The following BCL9 variants were observed in gnomAD, a reference collection of about 807,000 sequenced individuals.
BCL9 encodes the protein BCL9 transcription coactivator.
In BCL9, 25 loss-of-function variants were observed where a neutral mutation model predicts 88.5. The ratio of observed to expected loss-of-function variants is 0.28; its 90% CI spans 0.21 to 0.39. BCL9 has a LOEUF of 0.39. BCL9 is among the 10% of genes least tolerant of loss of function. The pLI, the probability that BCL9 is intolerant of heterozygous loss-of-function variation, is 1.00. For missense variants in BCL9, 1,817 were observed against 1,877.8 expected (o/e 0.97, Z 0.60); for synonymous variants, 711 against 673.3 (o/e 1.06, Z -0.87).
At chr1:147,567,146 A>G (rs1655641895) in intron 1 of BCL9, among the ~76,000 whole-genome samples, 1 of 152,202 alleles carries the variant, frequency 6.6e-6, no homozygotes, top group African/African-American at 2.4e-5. Flanking sequence ...ATTGTTTTCT[A>G]AGAAAAGCAA....
chr1:147,542,409 G>C (rs1239924490), intron 1 of BCL9, among the ~76,000 whole-genome samples: 2 of 152,216 alleles, frequency 1.3e-5, no homozygotes, highest in African/African-American at 4.8e-5. Context: ...AATCAAGGTT[G>C]CTGATCAGGG....
chr1:147,591,023 A>G (rs782675513), intron 1 of BCL9, among the ~76,000 whole-genome samples: 15 of 152,216 alleles, frequency 9.9e-5, no homozygotes, highest in Admixed American at 5.2e-4. Flanking sequence ...GCAGGATAGC[A>G]GCAAGAATAC....
chr1:147,610,227 G>A (rs12122799), intron 3 of BCL9, among the ~76,000 whole-genome samples: 38,152 of 150,124 alleles, frequency 0.25, 5,846 homozygotes, highest in African/African-American at 0.42. Context: ...CCTTAAATAT[G>A]ATCAAGACCA....
chr1:147,575,286 C>T (rs1248770486), intron 1 of BCL9, among the ~76,000 whole-genome samples: 1 of 152,162 alleles, frequency 6.6e-6, no homozygotes, highest in Non-Finnish European at 1.5e-5. Flanking sequence ...GATCCCTAGA[C>T]CATGTTGGTT....
At chr1:147,552,980 T>TC (rs1368541737) in intron 1 of BCL9, among the ~76,000 whole-genome samples, 5 of 151,816 alleles carry the variant, frequency 3.3e-5, no homozygotes, top group Non-Finnish European at 7.4e-5. Flanking sequence ...TTCCAATTTT[T>TC]TTTTTTTTAC....
At chr1:147,570,330 T>A (rs956427026) in intron 1 of BCL9, among the ~76,000 whole-genome samples, 1 of 152,182 alleles carries the variant, frequency 6.6e-6, no homozygotes, top group Admixed American at 6.5e-5. Flanking sequence ...AGAAGCCATG[T>A]CAGGAAGAGA....
intron 3 of BCL9, among the ~76,000 whole-genome samples, chr1:147,610,467 AC>A (rs1446273559): frequency 6.6e-6 from 1 of 152,182 alleles, no homozygotes; most frequent in African/African-American, 2.4e-5. Context: ...TAGTGCTACA[AC>A]CTAGGATATA....
chr1:147,587,756 CTGTGTG>C (rs3045400), intron 1 of BCL9, among the ~76,000 whole-genome samples: 18,810 of 141,748 alleles, frequency 0.13, 2,288 homozygotes, highest in African/African-American at 0.3. Flanking sequence ...GTAGTGAGGC[CTGTGTG>C]TGTGTGTGTG....
chr1:147,606,128 T>C (rs1657691463), intron 2 of BCL9, among the ~76,000 whole-genome samples: 1 of 152,246 alleles, frequency 6.6e-6, no homozygotes, highest in African/African-American at 2.4e-5. Flanking sequence ...GTCATAATTC[T>C]AGTTTACAAG....
intron 1 of BCL9, among the ~76,000 whole-genome samples, chr1:147,604,457 T>C (rs1322549862): frequency 1.3e-5 from 2 of 152,250 alleles, no homozygotes; most frequent in African/African-American, 4.8e-5. Flanking sequence ...ATGACTGTTT[T>C]TGATGGTGGA....
intron 1 of BCL9, among the ~76,000 whole-genome samples, chr1:147,603,129 T>G (rs1456562828): frequency 6.6e-6 from 1 of 152,258 alleles, no homozygotes; most frequent in Non-Finnish European, 1.5e-5. Context: ...ACAGTCTTAC[T>G]AACAGACCAA....
In BCL9 at chr1:147,619,361, A is replaced by G. The variant is rs1553204497; in HGVS notation, c.1206A>G (p.Pro402=). 6.2e-7 allele frequency: 1 copy of G among 1,614,078 alleles called. No individual in the cohort carries two copies. Among genetic ancestry groups the G allele is most frequent in the South Asian group, 1.1e-5 (1 of 91,084 alleles). Residue 402 remains proline, a synonymous_variant, in exon 8 of 10, where the codon CCA becomes CCG. Coordinates refer to ENST00000234739, the MANE Select transcript of BCL9 (RefSeq NM_004326.4). The surrounding 1 kb of genome is among the most constrained non-coding windows in gnomAD (Gnocchi z 4.1). ...TATTAGATGGGCCTCAGAAAAAACC[A>G]GAAGGGCCAATACAGGCCATGATGG... The part of the protein sequence containing the change: ...PGVLDGPQKK[P]EGPIQAMMAQ...
chr1:147,571,738 G>T (rs1422239814), intron 1 of BCL9, among the ~76,000 whole-genome samples: 21 of 152,142 alleles, frequency 1.4e-4, no homozygotes, highest in Non-Finnish European at 1.3e-4. Context: ...AAGAAAAGCT[G>T]GACCTGCTGA....
At chr1:147,602,293 G>A (rs1027578561) in intron 1 of BCL9, among the ~76,000 whole-genome samples, 1 of 148,836 alleles carries the variant, frequency 6.7e-6, no homozygotes, top group Admixed American at 6.7e-5. Flanking sequence ...TGCAACCTCC[G>A]CCTCCCCATC....
At chr1:147,585,597 T>C (rs1553199121) in intron 1 of BCL9, among the ~76,000 whole-genome samples, 1 of 152,212 alleles carries the variant, frequency 6.6e-6, no homozygotes, top group Non-Finnish European at 1.5e-5. Flanking sequence ...CGAGTTCAGA[T>C]TTAATTACCT....
rs1658529407 is a variant in BCL9 at position 147,620,060 on chromosome 1, G to A, written c.1905G>A (p.Gln635=). 1.2e-6 allele frequency: 2 copies of A among 1,614,192 alleles called. No individual in the cohort carries two copies. Among genetic ancestry groups the A allele is most frequent in the Non-Finnish European group, 1.7e-6 (2 of 1,180,048 alleles). The change falls in exon 8 of 10, where the codon CAG becomes CAA. Residue 635 remains glutamine, a synonymous_variant. Transcript: ENST00000234739. ...TGTCTGAAGAGATGTTTCAGCAGCA[G>A]CTGGCAGAGAAACAGCTGGGTCTCC... is the stretch of plus-strand genomic sequence containing the variant. ...QGLSEEMFQQ[Q]LAEKQLGLPP... is the part of the protein sequence containing the mutation.
chr1:147,600,225 G>A (rs1657306284), intron 1 of BCL9: 2 of 161,952 alleles, frequency 1.2e-5, no homozygotes, highest in Admixed American at 6.6e-5. Context: ...GGGGGGAGAC[G>A]CTGCGCCGCC....
At chr1:147,566,764 A>G in intron 1 of BCL9, among the ~76,000 whole-genome samples, 1 of 614 alleles carries the variant, frequency 1.6e-3, no homozygotes, top group Non-Finnish European at 5.3e-3. Flanking sequence ...CTCAAAAAAA[A>G]AGAAAAAAAA....
At chr1:147,551,981 G>T (rs1654925298) in intron 1 of BCL9, among the ~76,000 whole-genome samples, 1 of 152,188 alleles carries the variant, frequency 6.6e-6, no homozygotes, top group Non-Finnish European at 1.5e-5. Flanking sequence ...ATGAAAATTA[G>T]CTTGGCATTG....
Sources: allele counts gnomAD v4.1 joint callset (sites outside exome capture counted in the v4.1 genomes callset), GRCh38; gene constraint gnomAD v4.1.1; non-coding constraint Gnocchi (gnomAD v3.1); transcripts MANE v1.5; gene names NCBI Gene and HGNC (gene_info 2026-07-23, HGNC 2026-07-21).